The following CD44 variants were observed in gnomAD, a reference collection of about 807,000 sequenced individuals.
CD44 encodes the protein CD44 antigen.
Under a neutral mutation model 88.8 loss-of-function variants are expected in CD44, and 49 were observed. The observed-to-expected ratio is 0.55, with a 90% CI of 0.44 to 0.70. The LOEUF (loss-of-function observed/expected upper bound fraction) is 0.70, where lower values mean the gene tolerates loss of function less well. Among genes scored for constraint, CD44 ranks in the 30% least tolerant of loss-of-function variants. CD44 has a pLI of 0.00. For synonymous variants in CD44, 325 were observed against 312.3 expected (o/e 1.04, Z -0.43); for missense variants, 883 against 913.8 (o/e 0.97, Z 0.43).
intron 17 of CD44, among the ~76,000 whole-genome samples, chr11:35,225,622 G>A (rs1949644509): frequency 6.6e-6 from 1 of 152,118 alleles, no homozygotes; most frequent in Non-Finnish European, 1.5e-5. Context: ...TTTGAGACCA[G>A]CGTGGCCAAC....
rs1590915711 is a variant in CD44, at chr11:35,152,369, T to A, written c.67+12999T>A. ...ACCAAGGTATAAACAAAAGGCTCCATCAAAAGTCTACCAGAAATAGCCCCT... is the reference window on the plus strand; with the variant it reads ...ACCAAGGTATAAACAAAAGGCTCCAACAAAAGTCTACCAGAAATAGCCCCT... On this transcript the variant is annotated intron_variant, in intron 1 of 17. Coordinates refer to ENST00000428726, the MANE Select transcript of CD44 (RefSeq NM_000610.4). Among the ~76,000 whole-genome samples the A allele has an allele frequency of 2.0e-5, 3 of 152,178 alleles. No homozygotes were observed. In the South Asian group the frequency reaches 6.2e-4, roughly 32 times the overall value.
chr11:35,223,259 C>T, intron 17 of CD44: 2 of 985,198 alleles, frequency 2.0e-6, no homozygotes, highest in Non-Finnish European at 2.4e-6. Context: ...AGTCTTTATA[C>T]CTCCCTTCAG....
At chr11:35,222,124 G>C (rs1236769508) in intron 17 of CD44, among the ~76,000 whole-genome samples, 1 of 152,172 alleles carries the variant, frequency 6.6e-6, no homozygotes, top group Non-Finnish European at 1.5e-5. Flanking sequence ...GCACACAAAA[G>C]TATATACTCA....
intron 4 of CD44, 59 bp downstream of exon 4, chr11:35,186,959 T>G: frequency 1.0e-6 from 1 of 984,276 alleles, no homozygotes; most frequent in South Asian, 1.3e-5. Flanking sequence ...GGCTCAGGTG[T>G]GTTCTCTGTG....
intron 1 of CD44, among the ~76,000 whole-genome samples, chr11:35,166,279 G>T (rs138546828): frequency 4.6e-5 from 7 of 152,324 alleles, no homozygotes; most frequent in African/African-American, 1.4e-4. Flanking sequence ...GCCTGAAGAC[G>T]CACTCGTCAA....
chr11:35,211,215 C>T lies in CD44; in HGVS notation c.1607-31C>T, dbSNP rs185975773. The T allele has an allele frequency of 2.2e-4, 346 of 1,548,090 alleles. 4 individuals carry two copies. In the Admixed American group the frequency reaches 5.1e-3, roughly 23 times the overall value. On this transcript the variant is annotated intron_variant, in intron 13 of 17. Coordinates refer to ENST00000428726, the MANE Select transcript of CD44 (RefSeq NM_000610.4). ...ATGGTGGGTGGTGATCTTACAAATA[C>T]GGGTTCATCACTGATTCCACCTCCA...
rs1316405523 is a variant in CD44, at chr11:35,229,290, A to G, written c.2186A>G (p.Glu729Gly). The change falls in exon 18 of 18, where the codon GAG (glutamate) becomes GGG (glycine). Residue 729 changes from glutamate to glycine, a missense_variant. Glu to Gly is a moderately conservative substitution (Grantham distance 98). This residue lies in a region of CD44 where 631 missense variants were observed against 590.9 expected (regional missense o/e 1.07). Transcript: ENST00000428726. ...ETPDQFMTAD[E>G]TRNLQNVDMK... Reference sequence around the variant, plus strand: ...CCAGACCAGTTTATGACAGCTGATGAGACAAGGAACCTGCAGAATGTGGAC... The same window carrying G: ...CCAGACCAGTTTATGACAGCTGATGGGACAAGGAACCTGCAGAATGTGGAC... 10 of 1,613,960 alleles carry G rather than the reference A, an allele frequency of 6.2e-6. No homozygotes were observed. The highest frequency in any genetic ancestry group is 7.6e-6 in the Non-Finnish European group (9 of 1,179,826).
chr11:35,139,545 G>A (rs770916873), intron 1 of CD44, 175 bp downstream of exon 1: 2 of 772,544 alleles, frequency 2.6e-6, no homozygotes, highest in South Asian at 2.7e-5. Context: ...GTTGGAGAAT[G>A]TGTCTGTGGA....
chr11:35,220,508 G>A (rs1949205476), intron 16 of CD44, among the ~76,000 whole-genome samples: 1 of 152,126 alleles, frequency 6.6e-6, no homozygotes, highest in African/African-American at 2.4e-5. Context: ...GACTTTCCAT[G>A]CCTCTTCTTT....
At chr11:35,153,019 T>A (rs574392876) in intron 1 of CD44, among the ~76,000 whole-genome samples, 1 of 152,336 alleles carries the variant, frequency 6.6e-6, no homozygotes, top group Non-Finnish European at 1.5e-5. Context: ...TATCGTGGTC[T>A]GATAACAGGG....
At chr11:35,198,924 C>T (rs11033023) in intron 7 of CD44, among the ~76,000 whole-genome samples, 18,974 of 148,252 alleles carry the variant, frequency 0.13, 1,493 homozygotes, top group Admixed American at 0.21. Flanking sequence ...CGCGCCACTG[C>T]ACTCCAGCAC....
chr11:35,211,385 G>A lies in CD44; in HGVS notation c.1746G>A (p.Gly582=). Reference sequence around the variant, plus strand: ...TCCCAGTGACCTCAGCTAAGACTGGGTCCTTTGGAGTTACTGCAGTTACTG... The same window carrying A: ...TCCCAGTGACCTCAGCTAAGACTGGATCCTTTGGAGTTACTGCAGTTACTG... ...TFIPVTSAKT[G]SFGVTAVTVG... Residue 582 remains glycine, a synonymous_variant, in exon 14 of 18, where the codon GGG becomes GGA. Transcript: ENST00000428726. 1.2e-6 allele frequency: 2 copies of A among 1,613,982 alleles called. No individual in the cohort carries two copies. The highest frequency in any genetic ancestry group is 1.3e-5 in the African/African-American group (1 of 74,980).
intron 1 of CD44, among the ~76,000 whole-genome samples, chr11:35,154,706 G>T (rs752690164): frequency 1.3e-5 from 2 of 152,134 alleles, no homozygotes; most frequent in Non-Finnish European, 2.9e-5. Context: ...TATCATGATT[G>T]AACTTAAGCT....
At chr11:35,212,170 A>G (rs1948453324) in intron 14 of CD44, among the ~76,000 whole-genome samples, 1 of 151,924 alleles carries the variant, frequency 6.6e-6, no homozygotes, top group African/African-American at 2.4e-5. Flanking sequence ...TTGCTTCTCC[A>G]TTTGTATTAA....
chr11:35,203,761 T>G (rs1565126079), intron 9 of CD44, among the ~76,000 whole-genome samples: 2 of 152,166 alleles, frequency 1.3e-5, no homozygotes, highest in Non-Finnish European at 2.9e-5. Context: ...TGTTGGTGTC[T>G]TTCTGACTTT....
At position 35,176,798 on chromosome 11, in the gene CD44, G is replaced by A. The variant is rs1055561529; in HGVS notation, c.233+58G>A. On this transcript the variant is annotated intron_variant, in intron 2 of 17. Transcript: ENST00000428726. ...CTGGCGGCCTGGGACCAGGCAGCTGGGCTTAGAACTGGAAGGCTCCTTTCC... is the reference window on the plus strand; with the variant it reads ...CTGGCGGCCTGGGACCAGGCAGCTGAGCTTAGAACTGGAAGGCTCCTTTCC... 1.4e-5 allele frequency: 22 copies of A among 1,525,996 alleles called. No individual in the cohort carries two copies. The African/African-American group carries it at 2.2e-4, about 15-fold the overall frequency. 94.5% of individuals were successfully genotyped at this position (1,525,996 alleles called of 1,614,324 possible).
chr11:35,215,181 T>A (rs536271697), intron 15 of CD44, among the ~76,000 whole-genome samples: 5 of 152,308 alleles, frequency 3.3e-5, no homozygotes, highest in African/African-American at 1.2e-4. Flanking sequence ...GGATTGCACT[T>A]TGAGAGCTAC....
Position 35,206,250 on chromosome 11 carries a change from G to C in CD44, c.1414+7G>C, listed in dbSNP as rs185108570. ...CAAGCAGGAAGAAGGATGGGTAATA[G>C]CCTCTGAGATTTTTATATATTATGT... On this transcript the variant is annotated splice_region_variant and intron_variant, in intron 11 of 17. Coordinates refer to ENST00000428726, the MANE Select transcript of CD44 (RefSeq NM_000610.4). 3.8e-6 allele frequency: 6 copies of C among 1,587,874 alleles called. No individual in the cohort carries two copies. In the Admixed American group the frequency reaches 1.1e-4, roughly 30 times the overall value.
intron 8 of CD44, 148 bp downstream of exon 8, chr11:35,201,343 A>G (rs977010043): frequency 7.6e-6 from 5 of 658,114 alleles, no homozygotes; most frequent in African/African-American, 1.8e-5. Context: ...ACTTAATTCC[A>G]TTTAGGAGTC....
Sources: gnomAD v4.1 joint callset for allele counts (sites outside exome capture counted in the v4.1 genomes callset) on GRCh38, gnomAD v4.1.1 for gene constraint, gnomAD v4.1.1 regional missense constraint, MANE v1.5 for transcripts, NCBI Gene and HGNC (gene_info 2026-07-23, HGNC 2026-07-21) for gene names.